Variants in APP observed in about 807,000 individuals in gnomAD.
APP encodes amyloid beta precursor protein.
APP carries 31 observed loss-of-function variants against 101.4 expected under a neutral mutation model. The observed-to-expected ratio is 0.31, with a 90% confidence interval of 0.23 to 0.41. The LOEUF (loss-of-function observed/expected upper bound fraction) is 0.41, where lower values mean the gene tolerates loss of function less well. APP is among the 10% of genes least tolerant of loss of function. The probability of loss-of-function intolerance (pLI) is 1.00; values close to 1 mark genes in which losing one functional copy is unlikely to be tolerated. For synonymous variants in APP, 366 were observed against 364.4 expected (o/e 1.00, Z -0.05); for missense variants, 839 against 1,003.7 (o/e 0.84, Z 2.22).
chr21:26,046,647 G>A (rs1224013026), intron 5 of APP, among the ~76,000 whole-genome samples: 2 of 151,920 alleles, frequency 1.3e-5, no homozygotes, highest in Non-Finnish European at 2.9e-5. Context: ...AGAATACATC[G>A]ATAATTAAAG....
At chr21:26,146,528 TAG>T (rs1264957883) in intron 1 of APP, among the ~76,000 whole-genome samples, 1 of 152,330 alleles carries the variant, frequency 6.6e-6, no homozygotes, top group South Asian at 2.1e-4. Context: ...CCACGTCTAA[TAG>T]AGATTCTGTT....
At chr21:26,097,288 T>C (rs186953523) in intron 2 of APP, among the ~76,000 whole-genome samples, 1 of 152,174 alleles carries the variant, frequency 6.6e-6, no homozygotes, top group Non-Finnish European at 1.5e-5. Context: ...TATTAGAATA[T>C]ATAATCCTTG....
chr21:26,018,483 T>TGAG (rs980404285), intron 6 of APP, among the ~76,000 whole-genome samples: 2 of 152,178 alleles, frequency 1.3e-5, no homozygotes, highest in African/African-American at 4.8e-5. Flanking sequence ...TTTGTAACAG[T>TGAG]GAGGAGGAGG....
intron 1 of APP, among the ~76,000 whole-genome samples, chr21:26,157,519 A>T (rs1482773657): frequency 3.9e-5 from 6 of 152,030 alleles, no homozygotes; most frequent in South Asian, 2.1e-4. Context: ...CTATTGGAAC[A>T]TATTTCAACT....
At chr21:26,148,431 C>T (rs547728991) in intron 1 of APP, among the ~76,000 whole-genome samples, 5 of 152,256 alleles carry the variant, frequency 3.3e-5, no homozygotes, top group African/African-American at 1.2e-4. Context: ...CTTCAGGGTT[C>T]ACTGAGAAGA....
intron 1 of APP, among the ~76,000 whole-genome samples, chr21:26,132,238 A>G (rs2062811775): frequency 6.6e-6 from 1 of 152,188 alleles, no homozygotes; most frequent in Non-Finnish European, 1.5e-5. Context: ...AAAAGAAAAA[A>G]GTGATGTCTC....
chr21:26,063,089 C>A lies in APP; in HGVS notation c.356-9741G>T, dbSNP rs552812473. On this transcript the variant is annotated intron_variant, in intron 3 of 17. Transcript: ENST00000346798. ...TGGGTTAACAATTCTGATACGGCTA[C>A]GCACATATACTGAAACTGAACAATT... is the stretch of plus-strand genomic sequence containing the variant. Among the ~76,000 whole-genome samples the A allele has an allele frequency of 3.1e-3, 476 of 152,214 alleles. 2 individuals carry two copies. The highest frequency in any genetic ancestry group is 0.011 in the African/African-American group (449 of 41,534).
At chr21:25,942,450 C>T (rs2146437723) in intron 13 of APP, 1 of 152,294 alleles carries the variant, frequency 6.6e-6, no homozygotes, top group East Asian at 1.9e-4. Flanking sequence ...TAAATTTCAG[C>T]AAACGATAGG....
chr21:25,978,551 G>A (rs1351028072), intron 9 of APP, among the ~76,000 whole-genome samples: 3 of 152,068 alleles, frequency 2.0e-5, no homozygotes, highest in African/African-American at 7.2e-5. Flanking sequence ...GTACCCTGTG[G>A]TACCCAATTT....
At chr21:26,143,547 G>A (rs2063093055) in intron 1 of APP, among the ~76,000 whole-genome samples, 1 of 152,158 alleles carries the variant, frequency 6.6e-6, no homozygotes, top group South Asian at 2.1e-4. Flanking sequence ...TCACCTCAGA[G>A]TTACTTTTTT....
At chr21:26,126,990 C>A (rs546118925) in intron 1 of APP, among the ~76,000 whole-genome samples, 16 of 140,278 alleles carry the variant, frequency 1.1e-4, no homozygotes, top group African/African-American at 3.9e-4. Flanking sequence ...AAAAAAAAAA[C>A]GTTAATTTTT....
At chr21:25,923,685 C>T (rs1601414899) in intron 13 of APP, among the ~76,000 whole-genome samples, 2 of 136,370 alleles carry the variant, frequency 1.5e-5, no homozygotes, top group South Asian at 2.6e-4. Context: ...TATGAGATAT[C>T]ATCTCACACC....
chr21:26,078,833 C>T (rs576916606), intron 3 of APP, among the ~76,000 whole-genome samples: 33 of 152,220 alleles, frequency 2.2e-4, no homozygotes, highest in African/African-American at 7.2e-4. Context: ...CACCTGAGGT[C>T]GGGAGCTCGA....
intron 13 of APP, among the ~76,000 whole-genome samples, chr21:25,913,738 C>T (rs974775493): frequency 2.6e-5 from 4 of 152,174 alleles, no homozygotes; most frequent in African/African-American, 7.2e-5. Flanking sequence ...CTCACTGTTT[C>T]GCATACACAG....
chr21:26,140,129 G>A, intron 1 of APP: 3 of 1,468,576 alleles, frequency 2.0e-6, no homozygotes, highest in Non-Finnish European at 2.8e-6. Flanking sequence ...TAAAAACAAT[G>A]CCAACTTCAC....
chr21:25,888,384 C>G (rs1445977658), intron 17 of APP, among the ~76,000 whole-genome samples: 2 of 152,158 alleles, frequency 1.3e-5, no homozygotes, highest in Non-Finnish European at 2.9e-5. Flanking sequence ...TCCCTGTGTT[C>G]AGGTTCTACC....
chr21:26,079,061 A>AAC (rs1249558615), intron 3 of APP, among the ~76,000 whole-genome samples: 13 of 151,796 alleles, frequency 8.6e-5, no homozygotes, highest in African/African-American at 2.7e-4. Context: ...AAAAAAAAAA[A>AAC]ATCAAACTCA....
chr21:25,908,117 T>A (rs537702250), intron 14 of APP, among the ~76,000 whole-genome samples: 3 of 152,204 alleles, frequency 2.0e-5, no homozygotes, highest in Non-Finnish European at 4.4e-5. Flanking sequence ...CAGGAAAAAG[T>A]AGAACAAACA....
At chr21:26,077,696 G>A (rs772122466) in intron 3 of APP, among the ~76,000 whole-genome samples, 24 of 151,442 alleles carry the variant, frequency 1.6e-4, no homozygotes, top group Non-Finnish European at 3.1e-4. Flanking sequence ...CTCTCCAGAC[G>A]GTTGCACAGC....
Sources: allele counts gnomAD v4.1 joint callset (sites outside exome capture counted in the v4.1 genomes callset), GRCh38; gene constraint gnomAD v4.1.1; transcripts MANE v1.5; gene names NCBI Gene and HGNC (gene_info 2026-07-23, HGNC 2026-07-21).